ASTN1: variants seen among roughly 807,000 people sequenced by gnomAD.
ASTN1 encodes the protein astrotactin 1, also known as astrotactin-1.
A neutral mutation model predicts 140.7 loss-of-function variants in ASTN1; 41 were observed. The observed-to-expected ratio is 0.29, with a 90% CI of 0.23 to 0.38. The LOEUF (loss-of-function observed/expected upper bound fraction) is 0.38. Ranked by LOEUF, ASTN1 falls within the 10% of genes least tolerant of loss-of-function variation. The pLI is 1.00. For missense variants in ASTN1, 1,479 were observed against 1,678.8 expected (o/e 0.88, Z 2.08); for synonymous variants, 640 against 652.2 (o/e 0.98, Z 0.29).
intron 1 of ASTN1, among the ~76,000 whole-genome samples, chr1:177,150,506 A>G (rs1682982662): frequency 6.6e-6 from 1 of 152,182 alleles, no homozygotes; most frequent in Admixed American, 6.5e-5. Context: ...AAAGGAAAAG[A>G]TGTCAGAGCA....
At chr1:177,017,313 G>T (rs1460011180) in intron 7 of ASTN1, among the ~76,000 whole-genome samples, 1 of 152,140 alleles carries the variant, frequency 6.6e-6, no homozygotes, top group Admixed American at 6.5e-5. Flanking sequence ...CATCATGCTA[G>T]GTTTTGGGGA....
At chr1:176,979,088 A>C in intron 8 of ASTN1, among the ~76,000 whole-genome samples, 1 of 152,284 alleles carries the variant, frequency 6.6e-6, no homozygotes, top group South Asian at 2.1e-4. Flanking sequence ...AAGAAGGGAA[A>C]CAGTCCTGGA....
At chr1:176,937,372 C>T (rs942519480) in intron 14 of ASTN1, among the ~76,000 whole-genome samples, 4 of 152,170 alleles carry the variant, frequency 2.6e-5, no homozygotes, top group Admixed American at 2.0e-4. Flanking sequence ...TTGTGATAGT[C>T]GTGTGCTGTC....
rs12094068 is a variant in ASTN1 at position 176,981,155 on chromosome 1, T to C, written c.1524-15918A>G. Among the ~76,000 whole-genome samples, 37 of 128,036 alleles carry C rather than the reference T, an allele frequency of 2.9e-4. 1 individual carries two copies. Among genetic ancestry groups the C allele is most frequent in the African/African-American group, 1.1e-3 (36 of 32,520 alleles). 84.0% of individuals were successfully genotyped at this position (128,036 alleles called of 152,430 possible). ...TGAACTCAGGAGGCAGAGACTGCAG[T>C]GAGCCAAGATTGCACCACTCAACTC... On this transcript the variant is annotated intron_variant, in intron 8 of 22. Transcript: ENST00000361833.
intron 16 of ASTN1, among the ~76,000 whole-genome samples, chr1:176,927,122 C>G (rs1043484458): frequency 1.3e-5 from 2 of 152,242 alleles, no homozygotes; most frequent in African/African-American, 4.8e-5. Flanking sequence ...AGAGCCTGAG[C>G]GTCACCTTAG....
chr1:177,057,142 T>C (rs1230332649), intron 2 of ASTN1, among the ~76,000 whole-genome samples: 3 of 152,210 alleles, frequency 2.0e-5, no homozygotes, highest in Admixed American at 6.5e-5. Flanking sequence ...AATTATTCTA[T>C]GCAAGGAAGA....
At chr1:177,023,928 A>G (rs1675962214) in intron 6 of ASTN1, among the ~76,000 whole-genome samples, 1 of 152,184 alleles carries the variant, frequency 6.6e-6, no homozygotes, top group Non-Finnish European at 1.5e-5. Context: ...TCCAAAGAAC[A>G]GGGGCTGCTG....
chr1:177,041,056 T>G (rs1038396616), intron 2 of ASTN1, among the ~76,000 whole-genome samples: 1 of 152,202 alleles, frequency 6.6e-6, no homozygotes, highest in African/African-American at 2.4e-5. Context: ...CAGTTACCTG[T>G]TGTTTGCCTT....
At chr1:177,001,492 G>A (rs1420764388) in intron 8 of ASTN1, among the ~76,000 whole-genome samples, 1 of 152,186 alleles carries the variant, frequency 6.6e-6, no homozygotes, top group Non-Finnish European at 1.5e-5. Flanking sequence ...AATCTATGAA[G>A]TAGATACTAT....
intron 8 of ASTN1, among the ~76,000 whole-genome samples, chr1:176,980,081 G>C (rs1372150037): frequency 1.3e-5 from 2 of 152,168 alleles, no homozygotes; most frequent in Non-Finnish European, 2.9e-5. Flanking sequence ...ATAAGGGATA[G>C]AGGATGTGTA....
At chr1:176,984,224 T>C (rs1384604949) in intron 8 of ASTN1, among the ~76,000 whole-genome samples, 1 of 152,220 alleles carries the variant, frequency 6.6e-6, no homozygotes, top group Non-Finnish European at 1.5e-5. Flanking sequence ...AACAAAACGC[T>C]GAGGTTCAGT....
chr1:177,026,638 G>T (rs1351575800), intron 5 of ASTN1, among the ~76,000 whole-genome samples: 1 of 152,032 alleles, frequency 6.6e-6, no homozygotes, highest in Non-Finnish European at 1.5e-5. Context: ...AGTGTACAAG[G>T]GTTCCCTTTT....
chr1:177,112,506 T>C (rs999308235), intron 1 of ASTN1, among the ~76,000 whole-genome samples: 1 of 152,162 alleles, frequency 6.6e-6, no homozygotes, highest in Non-Finnish European at 1.5e-5. Flanking sequence ...CCGGGGACAT[T>C]GACTCAAAGG....
chr1:177,011,362 G>C (rs1675280602), intron 8 of ASTN1, among the ~76,000 whole-genome samples: 1 of 152,102 alleles, frequency 6.6e-6, no homozygotes, highest in Non-Finnish European at 1.5e-5. Context: ...GCAATTACTT[G>C]TTACTCTTTC....
At chr1:176,942,820 GTATATATATATATATGTATATA>G (rs1234185061) in intron 14 of ASTN1, among the ~76,000 whole-genome samples, 738 of 25,316 alleles carry the variant, frequency 0.029, 74 homozygotes, top group African/African-American at 0.075. Context: ...TTGTGTGTGT[GTATATATATATATATGTATATA>G]TATATATATA....
intron 21 of ASTN1, among the ~76,000 whole-genome samples, chr1:176,870,488 T>C (rs1050850244): frequency 6.6e-6 from 1 of 152,258 alleles, no homozygotes; most frequent in Non-Finnish European, 1.5e-5. Context: ...CTGTTGCCTA[T>C]GAGGACAGGA....
At chr1:176,942,550 C>T (rs1342069404) in intron 14 of ASTN1, among the ~76,000 whole-genome samples, 1 of 151,824 alleles carries the variant, frequency 6.6e-6, no homozygotes, top group Non-Finnish European at 1.5e-5. Context: ...TTGGGCCCCC[C>T]AAATCACTAA....
intron 2 of ASTN1, among the ~76,000 whole-genome samples, chr1:177,038,281 C>T (rs919777009): frequency 6.6e-6 from 1 of 152,234 alleles, no homozygotes; most frequent in Non-Finnish European, 1.5e-5. Context: ...TAACTCTAAC[C>T]ACAAGTACAT....
At chr1:177,067,576 T>G (rs1678426242) in intron 1 of ASTN1, among the ~76,000 whole-genome samples, 1 of 152,190 alleles carries the variant, frequency 6.6e-6, no homozygotes, top group South Asian at 2.1e-4. Flanking sequence ...ACTGAAACTA[T>G]TAACAGCGGT....
Sources: gnomAD v4.1 joint callset for allele counts (sites outside exome capture counted in the v4.1 genomes callset) on GRCh38, gnomAD v4.1.1 for gene constraint, MANE v1.5 for transcripts, NCBI Gene and HGNC (gene_info 2026-07-23, HGNC 2026-07-21) for gene names.